CPNE4: variants seen among roughly 807,000 people sequenced by gnomAD.
The protein encoded by CPNE4 is copine-4.
CPNE4 carries 25 observed loss-of-function variants against 67.9 expected under a neutral mutation model. The ratio of observed to expected loss-of-function variants is 0.37; its 90% CI spans 0.27 to 0.51. The LOEUF (loss-of-function observed/expected upper bound fraction) is 0.51. Ranked by LOEUF, CPNE4 falls within the 20% of genes least tolerant of loss-of-function variation. The pLI is 0.93. For synonymous variants in CPNE4, 242 were observed against 244.9 expected, an observed-to-expected ratio of 0.99 and a Z score of 0.11; for missense variants, 464 against 690.8, an observed-to-expected ratio of 0.67 and a Z score of 3.68.
intron 2 of CPNE4, among the ~76,000 whole-genome samples, chr3:131,803,553 A>G (rs750190767): frequency 1.8e-4 from 28 of 152,214 alleles, no homozygotes; most frequent in Non-Finnish European, 3.7e-4. Context: ...CTGAGTAAAG[A>G]ATTTAAAATA....
rs560476011 is a variant in CPNE4, at chr3:131,862,429, T to C, written c.180+42835A>G. On this transcript the variant is annotated intron_variant, in intron 2 of 15. Transcript: ENST00000429747. Reference sequence around the variant, plus strand: ...TCTAGCTCAATACCTCATCTTCTATTTTCAAAATATCCTACCAGGTTCTTC... The same window carrying C: ...TCTAGCTCAATACCTCATCTTCTATCTTCAAAATATCCTACCAGGTTCTTC... Among the ~76,000 whole-genome samples, 72 of 152,266 alleles carry C rather than the reference T, an allele frequency of 4.7e-4. No individual in the cohort carries two copies. The South Asian group carries it at 6.2e-3, about 13-fold the overall frequency.
intron 10 of CPNE4, among the ~76,000 whole-genome samples, chr3:131,570,371 A>G (rs1937277205): frequency 6.6e-6 from 1 of 151,760 alleles, no homozygotes; most frequent in South Asian, 2.1e-4. Flanking sequence ...GTTTTAGGGT[A>G]CATGTGCACA....
chr3:131,988,753 G>T (rs994439127), intron 1 of CPNE4, among the ~76,000 whole-genome samples: 1 of 152,212 alleles, frequency 6.6e-6, no homozygotes, highest in Non-Finnish European at 1.5e-5. Flanking sequence ...AGTTAACATA[G>T]TTTTCCAAAT....
At chr3:131,985,679 C>G (rs1051632037) in intron 1 of CPNE4, among the ~76,000 whole-genome samples, 3 of 152,140 alleles carry the variant, frequency 2.0e-5, no homozygotes, top group Admixed American at 6.5e-5. Context: ...TGGATCACTT[C>G]GTAATCAGTG....
intron 2 of CPNE4, among the ~76,000 whole-genome samples, chr3:131,777,269 G>A (rs763520330): frequency 9.9e-5 from 15 of 152,126 alleles, no homozygotes; most frequent in Admixed American, 3.3e-4. Flanking sequence ...AATGCACTCT[G>A]CCCTAAAGCA....
At chr3:131,955,853 A>G (rs1173097136) in intron 1 of CPNE4, among the ~76,000 whole-genome samples, 3 of 151,990 alleles carry the variant, frequency 2.0e-5, no homozygotes. Flanking sequence ...TTCCTCAATC[A>G]CTGCTTGGAT....
chr3:131,804,526 G>T (rs555766575), intron 2 of CPNE4, among the ~76,000 whole-genome samples: 9 of 152,026 alleles, frequency 5.9e-5, no homozygotes, highest in African/African-American at 1.9e-4. Context: ...CAAAACAAGG[G>T]CTAAATGATC....
At chr3:131,713,060 T>C (rs1372290041) in intron 3 of CPNE4, among the ~76,000 whole-genome samples, 4 of 151,682 alleles carry the variant, frequency 2.6e-5, no homozygotes, top group Non-Finnish European at 4.4e-5. Flanking sequence ...GATAGGGTGG[T>C]CTGGGGGCTG....
At chr3:131,864,187 G>A (rs957859608) in intron 2 of CPNE4, among the ~76,000 whole-genome samples, 18 of 150,944 alleles carry the variant, frequency 1.2e-4, no homozygotes, top group African/African-American at 2.9e-4. Flanking sequence ...TTGGCAATGC[G>A]GGCTCTTTTT....
At chr3:131,729,764 G>A (rs1175935152) in intron 2 of CPNE4, among the ~76,000 whole-genome samples, 1 of 152,208 alleles carries the variant, frequency 6.6e-6, no homozygotes, top group African/African-American at 2.4e-5. Context: ...ATTTCTGGCT[G>A]TCTGGCTGAT....
chr3:131,884,704 C>G (rs150759637), intron 2 of CPNE4, among the ~76,000 whole-genome samples: 5 of 152,130 alleles, frequency 3.3e-5, no homozygotes, highest in Non-Finnish European at 7.4e-5. Flanking sequence ...GGGGCAGTTT[C>G]CTCCATACTG....
At chr3:131,987,705 T>C (rs116816443) in intron 1 of CPNE4, among the ~76,000 whole-genome samples, 3,804 of 152,118 alleles carry the variant, frequency 0.025, 160 homozygotes, top group African/African-American at 0.086. Context: ...TGTACACTTT[T>C]AGATTAGTAT....
intron 9 of CPNE4, among the ~76,000 whole-genome samples, chr3:131,581,197 AAAACC>A (rs1259877871): frequency 6.6e-6 from 1 of 152,094 alleles, no homozygotes; most frequent in Non-Finnish European, 1.5e-5. Flanking sequence ...AAACAAAACC[AAAACC>A]AAACCAAACC....
chr3:131,692,287 A>C (rs950411355), intron 5 of CPNE4, among the ~76,000 whole-genome samples: 2 of 152,192 alleles, frequency 1.3e-5, no homozygotes, highest in African/African-American at 4.8e-5. Flanking sequence ...TATCTATAAA[A>C]TGGAAATAAA....
At chr3:131,835,808 C>G (rs1382099201) in intron 2 of CPNE4, among the ~76,000 whole-genome samples, 1 of 152,124 alleles carries the variant, frequency 6.6e-6, no homozygotes, top group Non-Finnish European at 1.5e-5. Flanking sequence ...GGTGGTGACT[C>G]TCCTCCTCCC....
At chr3:131,671,997 T>C (rs2080430371) in intron 6 of CPNE4, among the ~76,000 whole-genome samples, 1 of 152,146 alleles carries the variant, frequency 6.6e-6, no homozygotes, top group South Asian at 2.1e-4. Flanking sequence ...CTGTCCATCA[T>C]TGTATTTTCT....
rs181743785 is a variant in CPNE4 at position 131,734,706 on chromosome 3, G to A, written c.181-11081C>T. ...TTCAAGACCAGCCTGGACAAATAGC[G>A]AGACCTTGTCTCTACTAGAAACACA... On this transcript the variant is annotated intron_variant, in intron 2 of 15. Coordinates refer to ENST00000429747, the MANE Select transcript of CPNE4 (RefSeq NM_130808.3). Among the ~76,000 whole-genome samples the A allele has an allele frequency of 2.6e-3, 393 of 152,172 alleles. 1 individual carries two copies. The highest frequency in any genetic ancestry group is 9.2e-3 in the African/African-American group (383 of 41,530).
At chr3:131,695,746 A>AT (rs1443909176) in intron 5 of CPNE4, among the ~76,000 whole-genome samples, 1 of 152,208 alleles carries the variant, frequency 6.6e-6, no homozygotes, top group African/African-American at 2.4e-5. Context: ...GCAGTCTGTG[A>AT]TGGTTTCATA....
rs2081253389 is a variant in CPNE4 at position 131,699,985 on chromosome 3, A to G, written c.361-5T>C. The G allele has an allele frequency of 1.2e-6, 2 of 1,609,402 alleles. No individual in the cohort carries two copies. The highest frequency in any genetic ancestry group is 1.7e-6 in the Non-Finnish European group (2 of 1,177,110). On this transcript the variant is annotated splice_polypyrimidine_tract_variant and splice_region_variant and intron_variant, in intron 3 of 15. Coordinates refer to ENST00000429747, the MANE Select transcript of CPNE4 (RefSeq NM_130808.3). ...CAGCTTTCTCTGGGAAACAATCTGC[A>G]AAAAAGGAAACAAAAGGTAACAAAA...
Sources: allele counts gnomAD v4.1 joint callset (sites outside exome capture counted in the v4.1 genomes callset), GRCh38; gene constraint gnomAD v4.1.1; transcripts MANE v1.5; gene names NCBI Gene and HGNC (gene_info 2026-07-23, HGNC 2026-07-21).